Variants in RAB7A observed in about 807,000 individuals in gnomAD.
The protein encoded by RAB7A is RAB7A, member RAS oncogene family.
A neutral mutation model predicts 24.5 loss-of-function variants in RAB7A; 2 were observed. That is an observed-to-expected ratio of 0.08 (90% CI 0.03 to 0.26). The LOEUF (loss-of-function observed/expected upper bound fraction) is 0.26. RAB7A is among the 10% of genes least tolerant of loss of function. RAB7A has a pLI of 1.00. For missense variants in RAB7A, 118 were observed against 255.7 expected (o/e 0.46, Z 3.67); for synonymous variants, 100 against 95.9 (o/e 1.04, Z -0.25).
intron 1 of RAB7A, among the ~76,000 whole-genome samples, chr3:128,792,214 G>A (rs1933469843): frequency 6.6e-6 from 1 of 152,152 alleles, no homozygotes; most frequent in Non-Finnish European, 1.5e-5. Flanking sequence ...ATTCTATCAT[G>A]TAGGAGTCTG....
intron 1 of RAB7A, among the ~76,000 whole-genome samples, chr3:128,758,870 CAT>C (rs1346344768): frequency 6.6e-6 from 1 of 152,106 alleles, no homozygotes; most frequent in Non-Finnish European, 1.5e-5. Flanking sequence ...TAAGATTTAA[CAT>C]ATGAGTTCAT....
chr3:128,764,552 A>C, intron 1 of RAB7A: 5 of 1,279,296 alleles, frequency 3.9e-6, no homozygotes, highest in Admixed American at 1.7e-5. Context: ...ATCTTGTGCA[A>C]GTTGGTCACG....
chr3:128,726,550 G>T (rs1184440186), intron 1 of RAB7A, among the ~76,000 whole-genome samples, 191 bp downstream of exon 1: 1 of 152,184 alleles, frequency 6.6e-6, no homozygotes, highest in East Asian at 1.9e-4. Context: ...AGAGGTCGGA[G>T]GTCGTCGGGC....
At chr3:128,746,785 T>A (rs13060875) in intron 1 of RAB7A, among the ~76,000 whole-genome samples, 1 of 150,638 alleles carries the variant, frequency 6.6e-6, no homozygotes, top group South Asian at 2.1e-4. Context: ...CGCCTTGGCC[T>A]CCCGAAGTGC....
At chr3:128,785,905 C>T (rs1452510950) in intron 1 of RAB7A, among the ~76,000 whole-genome samples, 2 of 152,064 alleles carry the variant, frequency 1.3e-5, no homozygotes, top group Non-Finnish European at 2.9e-5. Flanking sequence ...TGAGTTTCTT[C>T]CTAGAGGTGG....
At chr3:128,779,892 A>G (rs1933182064) in intron 1 of RAB7A, among the ~76,000 whole-genome samples, 1 of 152,202 alleles carries the variant, frequency 6.6e-6, no homozygotes, top group Non-Finnish European at 1.5e-5. Flanking sequence ...GGGCCACCTC[A>G]TGAGGAGATA....
intron 1 of RAB7A, among the ~76,000 whole-genome samples, chr3:128,782,225 C>T (rs754453191): frequency 4.6e-5 from 7 of 152,300 alleles, no homozygotes; most frequent in Non-Finnish European, 8.8e-5. Context: ...TAGAACCTGG[C>T]CTGCTACCTT....
intron 1 of RAB7A, chr3:128,795,146 G>T (rs1933539028): frequency 6.7e-6 from 4 of 599,126 alleles, no homozygotes; most frequent in African/African-American, 1.9e-5. Flanking sequence ...GCAGGGGCAG[G>T]ATGGCCCTGC....
chr3:128,786,545 T>A (rs1042308576), intron 1 of RAB7A, among the ~76,000 whole-genome samples: 1 of 152,066 alleles, frequency 6.6e-6, no homozygotes, highest in East Asian at 1.9e-4. Flanking sequence ...TGGAAGAAAA[T>A]GAGATGGACA....
chr3:128,776,659 T>G (rs1352433651), intron 1 of RAB7A, among the ~76,000 whole-genome samples: 1 of 152,220 alleles, frequency 6.6e-6, no homozygotes, highest in Non-Finnish European at 1.5e-5. Context: ...CTGTGAATAA[T>G]ACTGCAGTGA....
At chr3:128,758,500 C>T (rs2070750374) in intron 1 of RAB7A, among the ~76,000 whole-genome samples, 1 of 151,938 alleles carries the variant, frequency 6.6e-6, no homozygotes, top group African/African-American at 2.4e-5. Context: ...TGGTCTCGGT[C>T]TCCTGACCTC....
chr3:128,755,538 A>G (rs1271998257), intron 1 of RAB7A, among the ~76,000 whole-genome samples: 1 of 152,142 alleles, frequency 6.6e-6, no homozygotes. Context: ...CAAATCCAAA[A>G]GTTAGTTCTT....
At chr3:128,763,439 G>A (rs1038581545) in intron 1 of RAB7A, among the ~76,000 whole-genome samples, 2 of 151,640 alleles carry the variant, frequency 1.3e-5, no homozygotes, top group African/African-American at 2.4e-5. Context: ...GGATGGTCTC[G>A]ATCTCCTGAT....
intron 1 of RAB7A, among the ~76,000 whole-genome samples, chr3:128,777,454 A>G (rs1239525929): frequency 6.6e-6 from 1 of 152,022 alleles, no homozygotes; most frequent in African/African-American, 2.4e-5. Flanking sequence ...CTCGCAATGT[A>G]TTGGGATTAC....
chr3:128,734,483 GAAAA>G (rs933082686), intron 1 of RAB7A, among the ~76,000 whole-genome samples: 9 of 137,490 alleles, frequency 6.5e-5, no homozygotes, highest in African/African-American at 1.6e-4. Flanking sequence ...AAAAAGGAAA[GAAAA>G]GAAAGAAAGG....
At chr3:128,807,881 G>A (rs1343780088) in intron 5 of RAB7A, among the ~76,000 whole-genome samples, 1 of 152,228 alleles carries the variant, frequency 6.6e-6, no homozygotes, top group Non-Finnish European at 1.5e-5. Context: ...AAGATGCAGA[G>A]GCTGTGAAGT....
chr3:128,764,523 G>A, intron 1 of RAB7A: 1 of 880,196 alleles, frequency 1.1e-6, no homozygotes, highest in Non-Finnish European at 1.9e-6. Flanking sequence ...ATTCTGCCAA[G>A]CCAGATTCGG....
chr3:128,804,739 AT>A (rs1489683434), intron 3 of RAB7A, among the ~76,000 whole-genome samples: 1 of 152,096 alleles, frequency 6.6e-6, no homozygotes, highest in Non-Finnish European at 1.5e-5. Flanking sequence ...TTCTTATGTA[AT>A]TTTGCTTGTA....
intron 1 of RAB7A, chr3:128,795,154 T>C: frequency 1.6e-6 from 1 of 616,696 alleles, no homozygotes; most frequent in Non-Finnish European, 3.0e-6. Flanking sequence ...AGGATGGCCC[T>C]GCTGTGCTGT....
Sources: gnomAD v4.1 joint callset for allele counts (sites outside exome capture counted in the v4.1 genomes callset) on GRCh38, gnomAD v4.1.1 for gene constraint, MANE v1.5 for transcripts, NCBI Gene and HGNC (gene_info 2026-07-23, HGNC 2026-07-21) for gene names.